Variants in LANCL1 observed in about 807,000 individuals in gnomAD.
The protein encoded by LANCL1 is glutathione S-transferase LANCL1.
LANCL1 carries 50 observed loss-of-function variants against 50.6 expected under a neutral mutation model. The observed-to-expected ratio is 0.99, with a 90% CI of 0.79 to 1.25. The LOEUF (loss-of-function observed/expected upper bound fraction) is 1.25, where lower values mean the gene tolerates loss of function less well. LANCL1 is among the 50% of genes most tolerant of loss of function. The pLI is 0.00. For synonymous variants in LANCL1, 188 were observed against 178.6 expected, an observed-to-expected ratio of 1.05 and a Z score of -0.42; for missense variants, 532 against 480.7, an observed-to-expected ratio of 1.11 and a Z score of -1.00.
chr2:210,453,084 C>G (rs1324287015), intron 4 of LANCL1, among the ~76,000 whole-genome samples: 1 of 151,910 alleles, frequency 6.6e-6, no homozygotes, highest in East Asian at 1.9e-4. Context: ...AATAAAAAAT[C>G]TGAAAAAAAT....
At chr2:210,437,475 CA>C (rs1026148063) in intron 7 of LANCL1, among the ~76,000 whole-genome samples, 4 of 152,082 alleles carry the variant, frequency 2.6e-5, no homozygotes, top group Non-Finnish European at 5.9e-5. Context: ...AACAATATCT[CA>C]TTGCAACCTA....
At chr2:210,445,617 T>C (rs527698744) in intron 4 of LANCL1, among the ~76,000 whole-genome samples, 1 of 152,240 alleles carries the variant, frequency 6.6e-6, no homozygotes, top group East Asian at 1.9e-4. Context: ...TATTAAGATA[T>C]AAAAATAAAG....
At position 210,432,957 on chromosome 2, in the gene LANCL1, C is replaced by T. The variant is rs1342634001; in HGVS notation, c.*1530G>A. 1 of 152,552 alleles carries T rather than the reference C, an allele frequency of 6.6e-6. No homozygotes were observed. The highest frequency in any genetic ancestry group is 1.5e-5 in the Non-Finnish European group (1 of 68,030). 9.4% of individuals were successfully genotyped at this position (152,552 alleles called of 1,614,324 possible). ...CCAGTGGCCTTTAAAAGGTCAGTTTCCAATAATATTAGCTCTTTTGGTGCT... is the reference window on the plus strand; with the variant it reads ...CCAGTGGCCTTTAAAAGGTCAGTTTTCAATAATATTAGCTCTTTTGGTGCT... On this transcript the variant is annotated 3_prime_UTR_variant, in exon 10 of 10. Transcript: ENST00000450366.
intron 1 of LANCL1, 36 bp from the exon 2 acceptor site, chr2:210,476,448 A>T: frequency 6.3e-7 from 1 of 1,581,894 alleles, no homozygotes. Context: ...CTAGGTTGAG[A>T]TAGGGGCCTC....
chr2:210,474,561 C>CAA (rs773466286), intron 2 of LANCL1, among the ~76,000 whole-genome samples: 62 of 122,698 alleles, frequency 5.1e-4, no homozygotes, highest in African/African-American at 1.4e-3. Flanking sequence ...ACTAAAAATA[C>CAA]AAAAAAAAAA....
chr2:210,432,876 G>A lies in LANCL1; in HGVS notation c.*1611C>T, dbSNP rs781224500. On this transcript the variant is annotated 3_prime_UTR_variant, in exon 10 of 10. Coordinates refer to ENST00000450366, the MANE Select transcript of LANCL1 (RefSeq NM_006055.3). ...GTAGTGCCAACTTACACAAGTGACA[G>A]AAGGAGGAAGCTGATCCTGGAAACT... is the stretch of plus-strand genomic sequence containing the variant. 5 of 152,308 alleles carry A rather than the reference G, an allele frequency of 3.3e-5. No homozygotes were observed. Among genetic ancestry groups the A allele is most frequent in the Non-Finnish European group, 7.3e-5 (5 of 68,050 alleles). The allele number at this position is 152,308 out of a possible 1,614,324, so 9.4% of individuals were successfully genotyped here.
intron 4 of LANCL1, among the ~76,000 whole-genome samples, chr2:210,448,875 C>A (rs1457912431): frequency 6.6e-6 from 1 of 152,056 alleles, no homozygotes; most frequent in Non-Finnish European, 1.5e-5. Context: ...AGCCTACCAA[C>A]CAAAAAAAGT....
intron 6 of LANCL1, among the ~76,000 whole-genome samples, chr2:210,439,847 T>C (rs1036714891): frequency 1.3e-5 from 2 of 152,290 alleles, no homozygotes; most frequent in East Asian, 3.9e-4. Context: ...TATGCCACAG[T>C]GTGCCTTGGG....
In LANCL1 at chr2:210,455,162, C is replaced by T. The variant is rs370249839; in HGVS notation, c.352G>A (p.Ala118Thr). 3.3e-5 allele frequency: 53 copies of T among 1,613,684 alleles called. No individual in the cohort carries two copies. The highest frequency in any genetic ancestry group is 1.7e-4 in the Middle Eastern group (1 of 6,056). The change falls in exon 4 of 10, where the codon GCT (alanine) becomes ACT (threonine). Residue 118 changes from alanine (A) to threonine (T), a missense_variant. Transcript: ENST00000450366. Reference sequence around the variant, plus strand: ...TTGTTCATCTTGTGATATAGCACAGCGGCCACTGCCAGGGGGCCTGCATCC... The same window carrying T: ...TTGTTCATCTTGTGATATAGCACAGTGGCCACTGCCAGGGGGCCTGCATCC... ...CGDAGPLAVA[A>T]VLYHKMNNEK...
intron 3 of LANCL1, among the ~76,000 whole-genome samples, chr2:210,456,601 C>T (rs1265569723): frequency 1.3e-5 from 2 of 151,766 alleles, no homozygotes; most frequent in African/African-American, 2.4e-5. Context: ...AAACCCTTTT[C>T]ACAAATGATT....
At chr2:210,457,326 T>A (rs185658415) in intron 3 of LANCL1, among the ~76,000 whole-genome samples, 1 of 152,292 alleles carries the variant, frequency 6.6e-6, no homozygotes, top group African/African-American at 2.4e-5. Flanking sequence ...TAGAAAATAA[T>A]AGAATGTGTC....
At chr2:210,470,057 A>G (rs1280241142) in intron 3 of LANCL1, among the ~76,000 whole-genome samples, 1 of 151,682 alleles carries the variant, frequency 6.6e-6, no homozygotes, top group Non-Finnish European at 1.5e-5. Flanking sequence ...ATATATTATT[A>G]CAATGTGGCA....
At chr2:210,452,177 TTA>T (rs1693529840) in intron 4 of LANCL1, among the ~76,000 whole-genome samples, 1 of 152,088 alleles carries the variant, frequency 6.6e-6, no homozygotes, top group Non-Finnish European at 1.5e-5. Context: ...ATTGCAAATT[TTA>T]TGTTATGTAT....
At chr2:210,473,633 G>C (rs970059232) in intron 2 of LANCL1, among the ~76,000 whole-genome samples, 2 of 152,084 alleles carry the variant, frequency 1.3e-5, no homozygotes, top group Non-Finnish European at 2.9e-5. Flanking sequence ...CAGCAAGAAG[G>C]CAGTATCAGA....
chr2:210,438,115 T>G (rs577208586), intron 6 of LANCL1, among the ~76,000 whole-genome samples: 1 of 151,884 alleles, frequency 6.6e-6, no homozygotes, highest in African/African-American at 2.4e-5. Context: ...GGGCCTTTTG[T>G]ATATATGGTT....
chr2:210,460,540 T>C (rs987303451), intron 3 of LANCL1: 2 of 152,036 alleles, frequency 1.3e-5, no homozygotes, highest in East Asian at 3.9e-4. Flanking sequence ...TCTTTCTATA[T>C]CAGGTTGATA....
Position 210,441,316 on chromosome 2 carries a change from T to C in LANCL1, c.535A>G (p.Ile179Val). The C allele has an allele frequency of 6.2e-7, 1 of 1,612,328 alleles. No homozygotes were observed. Among genetic ancestry groups the C allele is most frequent in the Non-Finnish European group, 8.5e-7 (1 of 1,179,128 alleles). Residue 179 changes from isoleucine (I) to valine (V), a missense_variant, in exon 5 of 10, where the codon ATT becomes GTT. Transcript: ENST00000450366. ...FGVEKIPQSH[I>V]QQICETILTS... is the part of the protein sequence containing the mutation. Reference sequence around the variant, plus strand: ...ACACAAAAACGTGGTACCTGCTGAATATGGCTTTGAGGAATCTTTTCCACT... The same window carrying C: ...ACACAAAAACGTGGTACCTGCTGAACATGGCTTTGAGGAATCTTTTCCACT...
chr2:210,471,487 T>C, intron 3 of LANCL1: 1 of 428,294 alleles, frequency 2.3e-6, no homozygotes, highest in Non-Finnish European at 4.7e-6. Context: ...GAGGATTAGT[T>C]CATGGAAGTA....
intron 4 of LANCL1, 52 bp downstream of exon 4, chr2:210,455,055 A>T: frequency 1.4e-6 from 2 of 1,453,822 alleles, no homozygotes; most frequent in Non-Finnish European, 1.9e-6. Context: ...ACACATGCAG[A>T]ATTAATGCAT....
Sources: allele counts gnomAD v4.1 joint callset (sites outside exome capture counted in the v4.1 genomes callset), GRCh38; gene constraint gnomAD v4.1.1; transcripts MANE v1.5; gene names NCBI Gene and HGNC (gene_info 2026-07-23, HGNC 2026-07-21).